TMEM232: variants seen among roughly 807,000 people sequenced by gnomAD.
The protein encoded by TMEM232 is transmembrane protein 232.
Under a neutral mutation model 78.8 loss-of-function variants are expected in TMEM232, and 80 were observed. The ratio of observed to expected loss-of-function variants is 1.01; its 90% CI spans 0.85 to 1.22. TMEM232 has a LOEUF of 1.22. Among genes scored for constraint, TMEM232 ranks in the 50% most tolerant of loss-of-function variants. The pLI is 0.00. For missense variants in TMEM232, 881 were observed against 742.2 expected, an observed-to-expected ratio of 1.19 and a Z score of -2.17; for synonymous variants, 297 against 254.3, an observed-to-expected ratio of 1.17 and a Z score of -1.60.
intron 1 of TMEM232, among the ~76,000 whole-genome samples, chr5:110,679,105 T>C (rs1291606862): frequency 3.3e-5 from 5 of 152,072 alleles, no homozygotes; most frequent in Non-Finnish European, 7.4e-5. Flanking sequence ...AACCACCAAA[T>C]TGTCTTCCAA....
intron 8 of TMEM232, among the ~76,000 whole-genome samples, chr5:110,608,893 T>C (rs912181085): frequency 1.3e-5 from 2 of 152,046 alleles, no homozygotes; most frequent in Non-Finnish European, 2.9e-5. Context: ...CATATTGACT[T>C]GGTTTTACAT....
intron 11 of TMEM232, among the ~76,000 whole-genome samples, chr5:110,549,549 T>C (rs1290980702): frequency 7.4e-6 from 1 of 135,952 alleles, no homozygotes; most frequent in Non-Finnish European, 1.5e-5. Context: ...CAGGGTATAG[T>C]GAGTCATGAT....
intron 12 of TMEM232, among the ~76,000 whole-genome samples, chr5:110,473,645 T>A (rs1762920085): frequency 6.6e-6 from 1 of 151,362 alleles, no homozygotes; most frequent in African/African-American, 2.4e-5. Flanking sequence ...ACTGGGTATA[T>A]ATTCAAAGGA....
intron 5 of TMEM232, among the ~76,000 whole-genome samples, chr5:110,628,346 T>G (rs1379832244): frequency 1.3e-5 from 2 of 152,126 alleles, no homozygotes; most frequent in Non-Finnish European, 2.9e-5. Context: ...TCAAAACAGT[T>G]TGAGAACCAT....
chr5:110,462,643 T>C (rs1761657938), intron 12 of TMEM232, among the ~76,000 whole-genome samples: 1 of 152,202 alleles, frequency 6.6e-6, no homozygotes, highest in African/African-American at 2.4e-5. Context: ...TTTGGGGACT[T>C]TGACTGGCTT....
At position 110,588,574 on chromosome 5, in the gene TMEM232, T is replaced by G. The variant is rs530799326; in HGVS notation, c.1276+16535A>C. 5.3e-5 allele frequency among the ~76,000 whole-genome samples: 8 copies of G among 152,278 alleles called. No homozygotes were observed. The East Asian group carries it at 1.5e-3, about 29-fold the overall frequency. On this transcript the variant is annotated intron_variant, in intron 10 of 13. Transcript: ENST00000455884. ...GGTGAGGGAAACCAATGCAATTATC[T>G]TCACATACTGGAAGGACTAGAACGC...
At chr5:110,733,882 A>G (rs1430996072) in intron 2 of TMEM232, among the ~76,000 whole-genome samples, 1 of 152,242 alleles carries the variant, frequency 6.6e-6, no homozygotes, top group Non-Finnish European at 1.5e-5. Flanking sequence ...CATTCAACTT[A>G]TAAAAATCCA....
intron 2 of TMEM232, among the ~76,000 whole-genome samples, chr5:110,657,151 G>T (rs187528626): frequency 2.2e-4 from 33 of 152,238 alleles, no homozygotes; most frequent in African/African-American, 7.9e-4. Context: ...TTGTTGGTAG[G>T]AATGTACGTT....
intron 11 of TMEM232, among the ~76,000 whole-genome samples, chr5:110,535,216 C>T (rs552629607): frequency 1.3e-5 from 2 of 152,038 alleles, no homozygotes; most frequent in South Asian, 4.1e-4. Context: ...GACATTCCAC[C>T]ACAAAAGAAG....
chr5:110,717,946 G>A (rs1797188482), intron 1 of TMEM232, among the ~76,000 whole-genome samples: 1 of 152,092 alleles, frequency 6.6e-6, no homozygotes, highest in Admixed American at 6.6e-5. Context: ...GTATAGCAGT[G>A]AGAATGGACT....
At chr5:110,533,614 C>T (rs1228498789) in intron 11 of TMEM232, among the ~76,000 whole-genome samples, 4 of 152,164 alleles carry the variant, frequency 2.6e-5, no homozygotes, top group Admixed American at 2.6e-4. Flanking sequence ...TTCTGCTCCC[C>T]GGCTCCTTCA....
intron 12 of TMEM232, among the ~76,000 whole-genome samples, chr5:110,526,698 T>C (rs2149521973): frequency 6.6e-6 from 1 of 152,046 alleles, no homozygotes; most frequent in Non-Finnish European, 1.5e-5. Flanking sequence ...ATTACACTTC[T>C]GAGAATTTAT....
At chr5:110,421,330 ATGTAAATAGTAG>A (rs1756618582) in intron 13 of TMEM232, among the ~76,000 whole-genome samples, 1 of 151,774 alleles carries the variant, frequency 6.6e-6, no homozygotes. Context: ...CCATGATGTC[ATGTAAATAGTAG>A]TATATTGGAA....
upstream of TMEM232, among the ~76,000 whole-genome samples, chr5:110,730,761 A>G (rs1798602453): frequency 6.6e-6 from 1 of 152,192 alleles, no homozygotes; most frequent in African/African-American, 2.4e-5. Flanking sequence ...TCCCTCCTAC[A>G]ATACACGGGA....
At chr5:110,702,367 A>C (rs1224584093) in intron 1 of TMEM232, among the ~76,000 whole-genome samples, 1 of 151,834 alleles carries the variant, frequency 6.6e-6, no homozygotes, top group African/African-American at 2.4e-5. Context: ...CCCTTGTCTG[A>C]GGGCCACTTT....
At chr5:110,594,908 G>A (rs116185874) in intron 10 of TMEM232, among the ~76,000 whole-genome samples, 2 of 152,218 alleles carry the variant, frequency 1.3e-5, no homozygotes, top group Non-Finnish European at 1.5e-5. Flanking sequence ...TCTCAGCACA[G>A]TGCTTAAGCT....
At chr5:110,665,425 G>C (rs2150122105) in intron 2 of TMEM232, among the ~76,000 whole-genome samples, 1 of 152,192 alleles carries the variant, frequency 6.6e-6, no homozygotes, top group Non-Finnish European at 1.5e-5. Context: ...TACAAAAGAA[G>C]TTTAATTGAC....
At chr5:110,738,484 A>C (rs1799451289), upstream of TMEM232, among the ~76,000 whole-genome samples, 2 of 152,172 alleles carry the variant, frequency 1.3e-5, no homozygotes, top group Non-Finnish European at 1.5e-5. Context: ...TTCAACTTTT[A>C]AAATGCTTGC....
chr5:110,714,030 G>C (rs1796768772), intron 1 of TMEM232, among the ~76,000 whole-genome samples: 1 of 152,164 alleles, frequency 6.6e-6, no homozygotes, highest in South Asian at 2.1e-4. Flanking sequence ...TGACTTGGTT[G>C]CAGAAAAACA....
Sources: gnomAD v4.1 joint callset for allele counts (sites outside exome capture counted in the v4.1 genomes callset) on GRCh38, gnomAD v4.1.1 for gene constraint, MANE v1.5 for transcripts, NCBI Gene and HGNC (gene_info 2026-07-23, HGNC 2026-07-21) for gene names.